DOK6: variants seen among roughly 807,000 people sequenced by gnomAD.
DOK6 encodes docking protein 6.
DOK6 carries 22 observed loss-of-function variants against 44.0 expected under a neutral mutation model. The observed-to-expected ratio is 0.50, with a 90% confidence interval of 0.36 to 0.71. DOK6 has a LOEUF of 0.71. DOK6 is among the 30% of genes least tolerant of loss of function. The pLI is 0.00. For synonymous variants in DOK6, 166 were observed against 145.5 expected, an observed-to-expected ratio of 1.14 and a Z score of -1.01; for missense variants, 340 against 416.4, an observed-to-expected ratio of 0.82 and a Z score of 1.60.
At chr18:69,467,990 G>A (rs1979976977) in intron 1 of DOK6, among the ~76,000 whole-genome samples, 1 of 152,056 alleles carries the variant, frequency 6.6e-6, no homozygotes, top group Admixed American at 6.5e-5. Flanking sequence ...CATGCAATAG[G>A]CAATGATTTA....
At chr18:69,501,004 T>C (rs1213528042) in intron 1 of DOK6, among the ~76,000 whole-genome samples, 1 of 152,140 alleles carries the variant, frequency 6.6e-6, no homozygotes, top group African/African-American at 2.4e-5. Context: ...CATTCCCTTC[T>C]ACTTTTTTTG....
At chr18:69,480,964 A>G (rs1980401418) in intron 1 of DOK6, among the ~76,000 whole-genome samples, 1 of 152,150 alleles carries the variant, frequency 6.6e-6, no homozygotes, top group Non-Finnish European at 1.5e-5. Context: ...AGCCCAATAT[A>G]TCTACCTCCA....
intron 1 of DOK6, among the ~76,000 whole-genome samples, chr18:69,558,315 G>T (rs541766729): frequency 4.9e-4 from 74 of 152,038 alleles, no homozygotes; most frequent in Non-Finnish European, 9.7e-4. Context: ...GGCTTTTAGT[G>T]TGCTGACTCA....
intron 2 of DOK6, among the ~76,000 whole-genome samples, chr18:69,584,657 T>G (rs193249658): frequency 2.6e-5 from 4 of 152,140 alleles, no homozygotes; most frequent in African/African-American, 9.7e-5. Flanking sequence ...GCTTTTTTTT[T>G]TCTGGACTAT....
chr18:69,688,469 G>C (rs999384901), intron 4 of DOK6, among the ~76,000 whole-genome samples: 4 of 152,184 alleles, frequency 2.6e-5, no homozygotes, highest in African/African-American at 9.7e-5. Flanking sequence ...AGGCTACAGA[G>C]ATCCAGGGAA....
intron 3 of DOK6, among the ~76,000 whole-genome samples, chr18:69,633,706 C>T (rs373463210): frequency 3.3e-5 from 5 of 152,018 alleles, no homozygotes; most frequent in Non-Finnish European, 7.4e-5. Context: ...GAGAGGAAAA[C>T]GTCTAATTAC....
At chr18:69,693,263 C>T (rs1986306576) in intron 4 of DOK6, among the ~76,000 whole-genome samples, 1 of 144,228 alleles carries the variant, frequency 6.9e-6, no homozygotes, top group African/African-American at 2.6e-5. Flanking sequence ...CCCATGACTT[C>T]TGAAGCAGAG....
chr18:69,745,153 T>A (rs1236251104), intron 6 of DOK6, among the ~76,000 whole-genome samples: 4 of 152,192 alleles, frequency 2.6e-5, no homozygotes, highest in African/African-American at 9.7e-5. Flanking sequence ...AGAAAATGCA[T>A]TTCATGTATG....
At chr18:69,694,708 G>A (rs1363161000) in intron 4 of DOK6, among the ~76,000 whole-genome samples, 4 of 152,082 alleles carry the variant, frequency 2.6e-5, no homozygotes, top group South Asian at 2.1e-4. Flanking sequence ...TTTTCCATAC[G>A]TTCAGCAGCC....
intron 3 of DOK6, among the ~76,000 whole-genome samples, chr18:69,620,720 C>T (rs1017776522): frequency 2.6e-5 from 4 of 152,102 alleles, no homozygotes; most frequent in African/African-American, 9.7e-5. Context: ...AATGAATAAT[C>T]GTAAGCATTA....
chr18:69,741,993 C>A (rs924979766), intron 6 of DOK6, among the ~76,000 whole-genome samples: 4 of 152,162 alleles, frequency 2.6e-5, no homozygotes, highest in Non-Finnish European at 5.9e-5. Flanking sequence ...CCATATAAGA[C>A]CTTATTTTGC....
At chr18:69,774,133 G>GAGATATATATATATATATAT (rs1555670147) in intron 7 of DOK6, among the ~76,000 whole-genome samples, 6 of 66,864 alleles carry the variant, frequency 9.0e-5, no homozygotes, top group South Asian at 7.1e-4. Flanking sequence ...ATATATATGA[G>GAGATATATATATATATATAT]ATATATATAT....
intron 7 of DOK6, among the ~76,000 whole-genome samples, chr18:69,813,089 T>C (rs914563203): frequency 3.3e-5 from 5 of 152,142 alleles, no homozygotes; most frequent in Non-Finnish European, 2.9e-5. Flanking sequence ...CTTATGCAGA[T>C]AGACAGTGTC....
chr18:69,787,389 C>A (rs978139888), intron 7 of DOK6, among the ~76,000 whole-genome samples: 9 of 152,028 alleles, frequency 5.9e-5, no homozygotes, highest in Admixed American at 3.9e-4. Flanking sequence ...TTGTAACATA[C>A]GTATTTAGAC....
At position 69,755,406 on chromosome 18, in the gene DOK6, A is replaced by C. The variant is rs1469857304; in HGVS notation, c.739-2350A>C. 1.3e-5 allele frequency among the ~76,000 whole-genome samples: 2 copies of C among 151,360 alleles called. 1 individual carries two copies. The highest frequency in any genetic ancestry group is 2.9e-5 in the Non-Finnish European group (2 of 68,036). On this transcript the variant is annotated intron_variant, in intron 6 of 7. Transcript: ENST00000382713. ...ATGATCTACTGTATGCTGAGTAATA[A>C]ACAAATTATAATACATTAGAAAAAG...
chr18:69,685,108 G>T (rs1256468015), intron 4 of DOK6, among the ~76,000 whole-genome samples: 2 of 152,076 alleles, frequency 1.3e-5, no homozygotes, highest in Non-Finnish European at 2.9e-5. Flanking sequence ...GGTTAAGTGA[G>T]TCCTCATTTG....
chr18:69,489,962 C>T (rs184818909), intron 1 of DOK6, among the ~76,000 whole-genome samples: 2 of 150,058 alleles, frequency 1.3e-5, no homozygotes, highest in African/African-American at 4.9e-5. Context: ...TACATAAATA[C>T]AGTTTTAGAC....
At chr18:69,530,348 G>A (rs1981950912) in intron 1 of DOK6, among the ~76,000 whole-genome samples, 1 of 152,098 alleles carries the variant, frequency 6.6e-6, no homozygotes, top group South Asian at 2.1e-4. Context: ...TGTATGCCCT[G>A]TATGCTTTGG....
intron 1 of DOK6, among the ~76,000 whole-genome samples, chr18:69,463,341 T>G (rs902596034): frequency 6.6e-6 from 1 of 152,140 alleles, no homozygotes; most frequent in African/African-American, 2.4e-5. Flanking sequence ...ACACCAAAAT[T>G]CTACCATAGC....
Sources: allele counts gnomAD v4.1 joint callset (sites outside exome capture counted in the v4.1 genomes callset), GRCh38; gene constraint gnomAD v4.1.1; transcripts MANE v1.5; gene names NCBI Gene and HGNC (gene_info 2026-07-23, HGNC 2026-07-21).